Variants in CFAP251 observed in about 807,000 individuals in gnomAD.
CFAP251 encodes cilia and flagella associated protein 251.
In CFAP251, 93 loss-of-function variants were observed where a neutral mutation model predicts 126.7. The ratio of observed to expected loss-of-function variants is 0.73; its 90% CI spans 0.62 to 0.87. The LOEUF is 0.87. Among genes scored for constraint, CFAP251 ranks in the 40% least tolerant of loss-of-function variants. The pLI is 0.00. For synonymous variants in CFAP251, 503 were observed against 506.9 expected (o/e 0.99, Z 0.10); for missense variants, 1,287 against 1,389.2 (o/e 0.93, Z 1.17).
chr12:121,942,495 G>A, intron 5 of CFAP251, 39 bp from the exon 6 acceptor site: 1 of 1,495,966 alleles, frequency 6.7e-7, no homozygotes, highest in Non-Finnish European at 9.3e-7. Context: ...AAGCCAGGGA[G>A]ACCTCAGCAA....
At chr12:121,926,798 C>G (rs1410224038) in intron 3 of CFAP251, among the ~76,000 whole-genome samples, 6 of 152,056 alleles carry the variant, frequency 3.9e-5, no homozygotes, top group African/African-American at 1.4e-4. Context: ...ACAAAATCAG[C>G]CGGGCGTGGT....
chr12:121,947,021 A>C (rs1881349845), intron 7 of CFAP251, among the ~76,000 whole-genome samples: 1 of 152,186 alleles, frequency 6.6e-6, no homozygotes, highest in South Asian at 2.1e-4. Flanking sequence ...ACCTCTTTAC[A>C]CATTTCTTCT....
intron 3 of CFAP251, among the ~76,000 whole-genome samples, chr12:121,926,954 A>G (rs554330392): frequency 3.9e-5 from 6 of 152,294 alleles, no homozygotes; most frequent in African/African-American, 1.2e-4. Context: ...AAACAAACAA[A>G]CAAACAAAAA....
At chr12:122,001,429 C>T (rs375472814) in intron 20 of CFAP251, 68 bp from the exon 21 acceptor site, 16 of 1,317,954 alleles carry the variant, frequency 1.2e-5, no homozygotes, top group African/African-American at 4.3e-5. Context: ...TGAATAATAA[C>T]GCTAAGCCCT....
At chr12:121,967,194 A>C in intron 16 of CFAP251, 125 bp downstream of exon 16, 2 of 806,016 alleles carry the variant, frequency 2.5e-6, no homozygotes, top group South Asian at 1.7e-5. Context: ...CTTCCACCCC[A>C]GTCAGCTGTG....
rs1403451555 is a variant in CFAP251, at chr12:121,922,273, A to AT, written c.378+597dup. Among the ~76,000 whole-genome samples the AT allele has an allele frequency of 5.3e-5, 8 of 151,422 alleles. 1 individual carries two copies. The highest frequency in any genetic ancestry group is 7.3e-5 in the African/African-American group (3 of 41,278). On this transcript the variant is annotated intron_variant, in intron 2 of 21. Transcript: ENST00000288912. The stretch of plus-strand genomic sequence containing the variant: ...AGGCGTCCGCCACCTCGCCTGGCTG[A>AT]TTTTTTTGTATTTTTAGTAGAGGCA...
chr12:121,978,392 T>TAAAAAAAAA (rs1882528696), intron 19 of CFAP251, among the ~76,000 whole-genome samples: 1 of 5,020 alleles, frequency 2.0e-4, no homozygotes, highest in African/African-American at 2.5e-3. Flanking sequence ...AGACTCTGTC[T>TAAAAAAAAA]CAAAAAAAAA....
intron 2 of CFAP251, 124 bp downstream of exon 2, chr12:121,921,807 T>TTTTGC (rs1880192275): frequency 8.9e-7 from 1 of 1,124,766 alleles, no homozygotes; most frequent in East Asian, 2.6e-5. Context: ...TTTTTTTTTT[T>TTTTGC]GAGACAGAGT....
At chr12:121,958,149 G>C in intron 11 of CFAP251, 123 bp from the exon 12 acceptor site, 1 of 1,395,722 alleles carries the variant, frequency 7.2e-7, no homozygotes, top group Non-Finnish European at 9.7e-7. Context: ...TGGAAATGTT[G>C]GGTTAATAAT....
At chr12:121,942,439 T>C in intron 5 of CFAP251, 95 bp from the exon 6 acceptor site, 1 of 732,604 alleles carries the variant, frequency 1.4e-6, no homozygotes, top group Non-Finnish European at 2.3e-6. Flanking sequence ...TGTTCTGTTT[T>C]GGAGAGGTTT....
intron 19 of CFAP251, among the ~76,000 whole-genome samples, chr12:121,988,428 C>A (rs1882802354): frequency 6.6e-6 from 1 of 152,210 alleles, no homozygotes; most frequent in South Asian, 2.1e-4. Context: ...CTTTCTGTCT[C>A]TATGGATTGG....
chr12:121,973,833 C>G (rs1882393777), intron 17 of CFAP251, among the ~76,000 whole-genome samples: 7 of 152,094 alleles, frequency 4.6e-5, no homozygotes, highest in Admixed American at 4.6e-4. Context: ...AATTAACTTG[C>G]TTTTGATTTT....
At chr12:121,952,211 G>A (rs1881553469) in intron 9 of CFAP251, among the ~76,000 whole-genome samples, 1 of 143,548 alleles carries the variant, frequency 7.0e-6, no homozygotes, top group Non-Finnish European at 1.5e-5. Flanking sequence ...AGACCAGCCT[G>A]GGCAACACAG....
At chr12:121,997,735 G>A (rs970493193) in intron 19 of CFAP251, 6 of 150,700 alleles carry the variant, frequency 4.0e-5, no homozygotes, top group Non-Finnish European at 7.4e-5. Context: ...CTGCTAGTGT[G>A]TAAAGAAATA....
chr12:121,982,782 G>A lies in CFAP251; in HGVS notation c.3006+7097G>A, dbSNP rs1013428099. Among the ~76,000 whole-genome samples, 3 of 152,088 alleles carry A rather than the reference G, an allele frequency of 2.0e-5. No homozygotes were observed. In the East Asian group the frequency reaches 5.8e-4, roughly 29 times the overall value. ...GCACAAAATACTTGAGAAAGAGGGT[G>A]GGCACAGAGCAACCCGCTTGTCTCT... is the stretch of plus-strand genomic sequence containing the variant. On this transcript the variant is annotated intron_variant, in intron 19 of 21. Coordinates refer to ENST00000288912, the MANE Select transcript of CFAP251 (RefSeq NM_144668.6).
At chr12:121,933,668 A>T (rs889992356) in intron 4 of CFAP251, 1 of 152,300 alleles carries the variant, frequency 6.6e-6, no homozygotes, top group African/African-American at 2.4e-5. Flanking sequence ...AAAATGTAAA[A>T]ATTAGCTGGG....
intron 5 of CFAP251, 43 bp from the exon 6 acceptor site, chr12:121,942,491 G>A: frequency 5.4e-6 from 8 of 1,476,798 alleles, no homozygotes; most frequent in Non-Finnish European, 6.6e-6. Flanking sequence ...TGGGAAGCCA[G>A]GGAGACCTCA....
chr12:121,922,408 C>A (rs1880223580), intron 2 of CFAP251, among the ~76,000 whole-genome samples: 1 of 152,130 alleles, frequency 6.6e-6, no homozygotes, highest in Non-Finnish European at 1.5e-5. Flanking sequence ...ACAATCCATT[C>A]TTTTAAGGAG....
intron 15 of CFAP251, 97 bp downstream of exon 15, chr12:121,962,259 G>T: frequency 8.7e-7 from 1 of 1,149,450 alleles, no homozygotes; most frequent in South Asian, 1.5e-5. Flanking sequence ...AGGCAGCTTG[G>T]CTACTATTAT....
Sources: allele counts gnomAD v4.1 joint callset (sites outside exome capture counted in the v4.1 genomes callset), GRCh38; gene constraint gnomAD v4.1.1; transcripts MANE v1.5; gene names NCBI Gene and HGNC (gene_info 2026-07-23, HGNC 2026-07-21).